OSBP: variants seen among roughly 807,000 people sequenced by gnomAD.
OSBP encodes the protein oxysterol-binding protein 1.
A neutral mutation model predicts 96.6 loss-of-function variants in OSBP; 32 were observed. The observed-to-expected ratio is 0.33, with a 90% CI of 0.25 to 0.45. The LOEUF is 0.45. Ranked by LOEUF, OSBP falls within the 20% of genes least tolerant of loss-of-function variation. The pLI is 1.00. For missense variants in OSBP, 653 were observed against 1,029.7 expected (o/e 0.63, Z 5.01); for synonymous variants, 369 against 389.6 (o/e 0.95, Z 0.62).
At chr11:59,585,573 G>A (rs1008268169) in intron 9 of OSBP, among the ~76,000 whole-genome samples, 6 of 148,184 alleles carry the variant, frequency 4.0e-5, no homozygotes, top group Middle Eastern at 3.8e-3. Context: ...CCGGCCAGCC[G>A]CCCCGTCCGG....
chr11:59,599,183 G>A lies in OSBP; in HGVS notation c.1311+1313C>T, dbSNP rs61901651. 3.1e-3 allele frequency among the ~76,000 whole-genome samples: 472 copies of A among 152,328 alleles called. 3 individuals carry two copies. Among genetic ancestry groups the A allele is most frequent in the Non-Finnish European group, 5.2e-3 (352 of 68,026 alleles). On this transcript the variant is annotated intron_variant, in intron 7 of 13. Transcript: ENST00000263847. ...GATAGCAAATATTTAGGCTTTGAGG[G>A]CCATATGGTCTTTGTCACAACCACT...
At chr11:59,588,659 T>C (rs1241820781) in intron 9 of OSBP, among the ~76,000 whole-genome samples, 1 of 152,138 alleles carries the variant, frequency 6.6e-6, no homozygotes, top group Admixed American at 6.6e-5. Context: ...CACTGACCAG[T>C]ACACTTAAGA....
chr11:59,605,797 G>T (rs143721473), intron 3 of OSBP, among the ~76,000 whole-genome samples: 130 of 152,338 alleles, frequency 8.5e-4, no homozygotes, highest in African/African-American at 3.0e-3. Context: ...CTTTCAACAA[G>T]CCTTTGAAGT....
chr11:59,615,342 C>G lies in OSBP; in HGVS notation c.323G>C (p.Arg108Pro). 1 of 1,607,632 alleles carries G rather than the reference C, an allele frequency of 6.2e-7. No individual in the cohort carries two copies. Among genetic ancestry groups the G allele is most frequent in the South Asian group, 1.1e-5 (1 of 90,340 alleles). Residue 108 changes from arginine to proline, a missense_variant, in exon 1 of 14, where the codon CGA becomes CCA. Around this residue, in one of 6 missense-constraint regions of OSBP, gnomAD observed 308 missense variants for 573.1 expected, o/e 0.54. Coordinates refer to ENST00000263847, the MANE Select transcript of OSBP (RefSeq NM_002556.3). ...GAGCCCGTTGCTCAGCACGAACCAT[C>G]GCCGCTGGTAGCCTTTGATATAATT... ...WTNYIKGYQRRWFVLSNGLLS... is the reference protein window; with the variant it reads ...WTNYIKGYQRPWFVLSNGLLS...
rs756664680 is a variant in OSBP, at chr11:59,610,475, G to A, written c.477C>T (p.Tyr159=). ...CAACTTCTGAACTAGCTTTCAGATG[G>A]TAGGTCTGAGCACCCCCATTGGAAA... ...FIISNGGAQT[Y]HLKASSEVER... Residue 159 remains tyrosine, a synonymous_variant, in exon 2 of 14, where the codon TAC becomes TAT. Transcript: ENST00000263847. 1.2e-6 allele frequency: 2 copies of A among 1,614,150 alleles called. No individual in the cohort carries two copies. Among genetic ancestry groups the A allele is most frequent in the South Asian group, 2.2e-5 (2 of 91,088 alleles).
chr11:59,576,579 A>G lies in OSBP; in HGVS notation c.2422T>C (p.Ter808ArgextTer25), dbSNP rs1259331834. The change falls in exon 14 of 14, where the codon TGA becomes CGA. Residue 808 changes from the stop codon to arginine, a stop_lost. Transcript: ENST00000263847. Reference sequence around the variant, plus strand: ...TCCTCTTTTTTGTTACTGCCGTTTCAGAAAATGTCCGGGCATGAGCTCCAG... The same window carrying G: ...TCCTCTTTTTTGTTACTGCCGTTTCGGAAAATGTCCGGGCATGAGCTCCAG... Reference protein sequence around the residue: ...QDWSSCPDIF* With the variant: ...QDWSSCPDIFR The G allele has an allele frequency of 1.9e-6, 3 of 1,611,558 alleles. No individual in the cohort carries two copies. The highest frequency in any genetic ancestry group is 3.4e-5 in the Admixed American group (2 of 59,170).
intron 2 of OSBP, among the ~76,000 whole-genome samples, chr11:59,609,670 G>T (rs1482687399): frequency 6.6e-6 from 1 of 152,152 alleles, no homozygotes; most frequent in African/African-American, 2.4e-5. Context: ...GACCATCTTG[G>T]TCAGTTCTAG....
At position 59,575,358 on chromosome 11, in the gene OSBP, T is replaced by G. The variant is rs1860349833; in HGVS notation, c.*1219A>C. ...GTCCCTGTTTAGTAACTGCCAGACATGATCCTGCTCAGGTTTTGAAATCTC... is the reference window on the plus strand; with the variant it reads ...GTCCCTGTTTAGTAACTGCCAGACAGGATCCTGCTCAGGTTTTGAAATCTC... On this transcript the variant is annotated 3_prime_UTR_variant, in exon 14 of 14. Coordinates refer to ENST00000263847, the MANE Select transcript of OSBP (RefSeq NM_002556.3). 6.6e-6 allele frequency: 1 copy of G among 152,214 alleles called. No homozygotes were observed. Among genetic ancestry groups the G allele is most frequent in the African/African-American group, 2.4e-5 (1 of 41,418 alleles). 9.4% of individuals were successfully genotyped at this position (152,214 alleles called of 1,614,324 possible). A position where few individuals can be genotyped will look rare whatever the true frequency, so the allele number is the denominator to read the frequency against.
intron 7 of OSBP, among the ~76,000 whole-genome samples, chr11:59,596,677 T>C (rs771659024): frequency 4.8e-4 from 73 of 151,682 alleles, no homozygotes; most frequent in Non-Finnish European, 9.4e-4. Flanking sequence ...GCAGTATTAC[T>C]ACAGCCTAGA....
chr11:59,613,180 C>T (rs1272648468), intron 1 of OSBP, among the ~76,000 whole-genome samples: 2 of 152,152 alleles, frequency 1.3e-5, no homozygotes. Context: ...GAGGGTAGTG[C>T]ACAGATTGAT....
At chr11:59,588,001 G>A (rs1860522507) in intron 9 of OSBP, among the ~76,000 whole-genome samples, 1 of 152,108 alleles carries the variant, frequency 6.6e-6, no homozygotes, top group African/African-American at 2.4e-5. Flanking sequence ...ACAGATGAAT[G>A]GATAAGCAAA....
At chr11:59,602,676 G>C (rs1860737429) in intron 3 of OSBP, among the ~76,000 whole-genome samples, 1 of 152,204 alleles carries the variant, frequency 6.6e-6, no homozygotes, top group Non-Finnish European at 1.5e-5. Flanking sequence ...GTCTGGAGTA[G>C]AGTGCAGATC....
At chr11:59,581,596 A>T in intron 9 of OSBP, 42 bp from the exon 10 acceptor site, 1 of 1,081,102 alleles carries the variant, frequency 9.2e-7, no homozygotes, top group Non-Finnish European at 1.4e-6. Context: ...CAAATGTCAG[A>T]AAAATAGCAC....
At chr11:59,592,256 C>T (rs1418291162) in intron 9 of OSBP, among the ~76,000 whole-genome samples, 4 of 152,180 alleles carry the variant, frequency 2.6e-5, no homozygotes, top group East Asian at 3.9e-4. Flanking sequence ...GTCTCCTTTT[C>T]GTTTAGGGAC....
intron 1 of OSBP, 139 bp from the exon 2 acceptor site, chr11:59,610,728 G>A: frequency 1.5e-6 from 1 of 674,432 alleles, no homozygotes; most frequent in Non-Finnish European, 2.6e-6. Flanking sequence ...CCTCAAACGG[G>A]TCCCTAAAAT....
chr11:59,606,385 A>G (rs1160381028), intron 3 of OSBP, among the ~76,000 whole-genome samples: 1 of 152,084 alleles, frequency 6.6e-6, no homozygotes, highest in Non-Finnish European at 1.5e-5. Context: ...TTGCAGCAAC[A>G]TGAATGCAAC....
At chr11:59,584,319 A>G (rs1209742034) in intron 9 of OSBP, among the ~76,000 whole-genome samples, 2 of 152,160 alleles carry the variant, frequency 1.3e-5, no homozygotes, top group Admixed American at 1.3e-4. Flanking sequence ...CACTAAAGCC[A>G]AAGACACTAT....
At chr11:59,606,953 T>G (rs1860787248) in intron 3 of OSBP, among the ~76,000 whole-genome samples, 1 of 152,216 alleles carries the variant, frequency 6.6e-6, no homozygotes, top group African/African-American at 2.4e-5. Context: ...CAAGAGATCA[T>G]TCCCTTTAAC....
intron 11 of OSBP, among the ~76,000 whole-genome samples, chr11:59,579,243 C>T (rs1054026446): frequency 6.6e-6 from 1 of 151,542 alleles, no homozygotes; most frequent in African/African-American, 2.4e-5. Context: ...TATCACACAA[C>T]TCCCCCTCAA....
Sources: gnomAD v4.1 joint callset for allele counts (sites outside exome capture counted in the v4.1 genomes callset) on GRCh38, gnomAD v4.1.1 for gene constraint, gnomAD v4.1.1 regional missense constraint, MANE v1.5 for transcripts, NCBI Gene and HGNC (gene_info 2026-07-23, HGNC 2026-07-21) for gene names.